DSCAM: variants seen among roughly 807,000 people sequenced by gnomAD.
The protein encoded by DSCAM is cell adhesion molecule DSCAM.
DSCAM carries 47 observed loss-of-function variants against 217.7 expected under a neutral mutation model. That is an observed-to-expected ratio of 0.22 (90% CI 0.17 to 0.28). DSCAM has a LOEUF of 0.28. Ranked by LOEUF, DSCAM falls within the 10% of genes least tolerant of loss-of-function variation. The pLI is 1.00. For synonymous variants in DSCAM, 1,056 were observed against 1,015.3 expected, an observed-to-expected ratio of 1.04 and a Z score of -0.76; for missense variants, 2,080 against 2,618.3, an observed-to-expected ratio of 0.79 and a Z score of 4.49.
intron 1 of DSCAM, among the ~76,000 whole-genome samples, chr21:40,825,274 C>T (rs11911522): frequency 4.1e-4 from 41 of 99,044 alleles, no homozygotes; most frequent in East Asian, 3.4e-3. Flanking sequence ...TCTTTCCTTC[C>T]TTCCTTCCTT....
intron 3 of DSCAM, among the ~76,000 whole-genome samples, chr21:40,392,845 G>C (rs11910772): frequency 0.11 from 17,290 of 152,152 alleles, 2,514 homozygotes; most frequent in African/African-American, 0.34. Flanking sequence ...GACACAGCTT[G>C]GCCAGAGCTC....
At chr21:40,669,516 G>C (rs1246778801) in intron 3 of DSCAM, among the ~76,000 whole-genome samples, 1 of 151,304 alleles carries the variant, frequency 6.6e-6, no homozygotes, top group Non-Finnish European at 1.5e-5. Flanking sequence ...CTATAATTCA[G>C]TCACCAAAGT....
chr21:40,737,761 C>T (rs948291761), intron 1 of DSCAM, among the ~76,000 whole-genome samples: 1 of 152,212 alleles, frequency 6.6e-6, no homozygotes, highest in African/African-American at 2.4e-5. Context: ...GCATCTCATT[C>T]TCTGCTGGCT....
intron 2 of DSCAM, among the ~76,000 whole-genome samples, chr21:40,701,656 T>C (rs1192765479): frequency 6.7e-6 from 1 of 149,408 alleles, no homozygotes; most frequent in African/African-American, 2.5e-5. Context: ...CTAATTTCCT[T>C]CTTCAAATTT....
chr21:40,175,780 T>TACACACACAC (rs35339524), intron 15 of DSCAM, among the ~76,000 whole-genome samples: 2 of 144,850 alleles, frequency 1.4e-5, no homozygotes, highest in South Asian at 2.2e-4. Flanking sequence ...AACACACACA[T>TACACACACAC]ACACACACAC....
At chr21:40,029,117 A>C (rs1239810129) in intron 32 of DSCAM, among the ~76,000 whole-genome samples, 2 of 126,422 alleles carry the variant, frequency 1.6e-5, no homozygotes, top group Non-Finnish European at 3.4e-5. Context: ...TGCAAAGTTT[A>C]ACAATTTTTT....
chr21:40,295,584 T>A (rs992171206), intron 10 of DSCAM, among the ~76,000 whole-genome samples: 2 of 152,188 alleles, frequency 1.3e-5, no homozygotes, highest in Non-Finnish European at 2.9e-5. Flanking sequence ...AATCTGTATA[T>A]TCTAAGGTAA....
chr21:40,661,212 A>G (rs183116470), intron 3 of DSCAM, among the ~76,000 whole-genome samples: 6 of 152,350 alleles, frequency 3.9e-5, no homozygotes, highest in Admixed American at 2.6e-4. Flanking sequence ...GTTAGTTTCT[A>G]TGGTTTACAG....
chr21:40,033,768 C>T (rs371042681), intron 32 of DSCAM, among the ~76,000 whole-genome samples: 1 of 151,434 alleles, frequency 6.6e-6, no homozygotes, highest in Non-Finnish European at 1.5e-5. Context: ...TCTGCAGACT[C>T]AAATGTCCCT....
intron 3 of DSCAM, among the ~76,000 whole-genome samples, chr21:40,523,226 C>T (rs1365510318): frequency 2.0e-5 from 3 of 152,160 alleles, no homozygotes; most frequent in Non-Finnish European, 4.4e-5. Context: ...ACTCCCAGGC[C>T]TGTGCCCACG....
At chr21:40,824,451 C>T (rs1258973676) in intron 1 of DSCAM, among the ~76,000 whole-genome samples, 2 of 146,524 alleles carry the variant, frequency 1.4e-5, no homozygotes, top group Non-Finnish European at 3.0e-5. Context: ...CTTCTGTCAC[C>T]CAGGCTGGAG....
intron 8 of DSCAM, among the ~76,000 whole-genome samples, chr21:40,331,551 A>G (rs1282868690): frequency 6.6e-6 from 1 of 152,208 alleles, no homozygotes; most frequent in African/African-American, 2.4e-5. Context: ...GCAGGATTTT[A>G]ACGTCAAAAT....
chr21:40,698,053 C>G (rs562762499), intron 2 of DSCAM, among the ~76,000 whole-genome samples: 1 of 152,144 alleles, frequency 6.6e-6, no homozygotes, highest in South Asian at 2.1e-4. Flanking sequence ...TAGGTTTTTA[C>G]TTTGTGGTTA....
chr21:40,582,559 G>A (rs2076913749), intron 3 of DSCAM, among the ~76,000 whole-genome samples: 1 of 152,086 alleles, frequency 6.6e-6, no homozygotes, highest in Admixed American at 6.5e-5. Context: ...TGGTTTTAAA[G>A]TTCAACATTA....
chr21:40,043,654 A>G (rs1202201848), intron 31 of DSCAM, among the ~76,000 whole-genome samples: 1 of 152,196 alleles, frequency 6.6e-6, no homozygotes, highest in East Asian at 1.9e-4. Flanking sequence ...TGTGTTCCCT[A>G]TAGAGGGTGC....
chr21:40,194,340 C>A (rs2090984823), intron 11 of DSCAM, among the ~76,000 whole-genome samples: 1 of 152,198 alleles, frequency 6.6e-6, no homozygotes, highest in Admixed American at 6.5e-5. Context: ...CTTTGCAATG[C>A]TAATGTTTGA....
intron 32 of DSCAM, among the ~76,000 whole-genome samples, chr21:40,028,183 G>A (rs574517860): frequency 0.037 from 3,830 of 102,332 alleles, 426 homozygotes; most frequent in African/African-American, 0.15. Context: ...TCGGGGGTCC[G>A]GGGTCAGGGA....
chr21:40,188,540 A>G (rs2090920329), intron 12 of DSCAM, among the ~76,000 whole-genome samples: 2 of 152,152 alleles, frequency 1.3e-5, no homozygotes, highest in Non-Finnish European at 2.9e-5. Context: ...TCATCCTCCA[A>G]CCGCATGACA....
At chr21:40,398,828 T>C (rs988100156) in intron 3 of DSCAM, among the ~76,000 whole-genome samples, 3 of 152,056 alleles carry the variant, frequency 2.0e-5, no homozygotes, top group African/African-American at 7.2e-5. Flanking sequence ...AGGGACGGGA[T>C]CTGCCCACCT....
Sources: gnomAD v4.1 joint callset for allele counts (sites outside exome capture counted in the v4.1 genomes callset) on GRCh38, gnomAD v4.1.1 for gene constraint, MANE v1.5 for transcripts, NCBI Gene and HGNC (gene_info 2026-07-23, HGNC 2026-07-21) for gene names.